The following TAF5 variants were observed in gnomAD, a reference collection of about 807,000 sequenced individuals.
TAF5 encodes transcription initiation factor TFIID subunit 5.
Under a neutral mutation model 80.9 loss-of-function variants are expected in TAF5, and 20 were observed. The ratio of observed to expected loss-of-function variants is 0.25; its 90% confidence interval spans 0.17 to 0.36. TAF5 has a LOEUF of 0.36. Ranked by LOEUF, TAF5 falls within the 10% of genes least tolerant of loss-of-function variation. The pLI is 1.00. For missense variants in TAF5, 863 were observed against 1,029.4 expected (o/e 0.84, Z 2.21); for synonymous variants, 388 against 406.4 (o/e 0.95, Z 0.55).
intron 2 of TAF5, among the ~76,000 whole-genome samples, chr10:103,375,143 A>G (rs2093367707): frequency 1.3e-5 from 2 of 151,588 alleles, no homozygotes. Flanking sequence ...AAAAAAAAGA[A>G]AATGTGTGGA....
At position 103,380,118 on chromosome 10, in the gene TAF5, GTTAT is replaced by G. The variant is rs1284801781; in HGVS notation, c.1413+103_1413+106del. On this transcript the variant is annotated intron_variant, in intron 5 of 10. Transcript: ENST00000369839. ...AATGTATTAGCTAAAATGGAGTTTCGTTATTTAAACTCCTTTTTTTTTTTTTTCT... is the reference window on the plus strand; with the variant it reads ...AATGTATTAGCTAAAATGGAGTTTCGTTAAACTCCTTTTTTTTTTTTTTCT... The G allele has an allele frequency of 9.0e-6, 12 of 1,333,670 alleles. No homozygotes were observed. The East Asian group carries it at 2.8e-4, about 31-fold the overall frequency. The allele number at this position is 1,333,670 out of a possible 1,614,324, so 82.6% of individuals were successfully genotyped here.
chr10:103,387,806 T>C, intron 10 of TAF5, 108 bp downstream of exon 10: 1 of 1,235,766 alleles, frequency 8.1e-7, no homozygotes, highest in East Asian at 2.3e-5. Context: ...CCTTTAGCTA[T>C]GATTCCAGAG....
intron 2 of TAF5, among the ~76,000 whole-genome samples, chr10:103,375,764 A>C (rs1377778954): frequency 6.6e-6 from 1 of 152,048 alleles, no homozygotes; most frequent in Admixed American, 6.6e-5. Context: ...AGGAGTATTT[A>C]AGAAGGAGGC....
chr10:103,368,688 C>G (rs986379029), intron 1 of TAF5, 140 bp downstream of exon 1: 1 of 1,178,224 alleles, frequency 8.5e-7, no homozygotes, highest in African/African-American at 1.6e-5. Context: ...CCGCCCCTTT[C>G]TCTAGTGCGC....
intron 8 of TAF5, among the ~76,000 whole-genome samples, chr10:103,386,732 C>T (rs1366109380): frequency 1.3e-5 from 2 of 149,380 alleles, no homozygotes; most frequent in Admixed American, 6.7e-5. Context: ...GTCGCCATCT[C>T]GGCTCACTGC....
intron 5 of TAF5, among the ~76,000 whole-genome samples, chr10:103,380,972 T>C (rs534988779): frequency 3.0e-4 from 46 of 152,040 alleles, no homozygotes; most frequent in Non-Finnish European, 5.0e-4. Context: ...TTTTTTGAGA[T>C]GGAGTCTTGC....
Position 103,378,556 on chromosome 10 carries a change from G to A in TAF5, c.1113+6G>A. On this transcript the variant is annotated splice_donor_region_variant and intron_variant, in intron 3 of 10. Transcript: ENST00000369839. This position sits in a 1 kb window ranked among gnomAD's most constrained non-coding sequence, Gnocchi z 4.1. ...GAGAGGCAAACAAATCAAAGGTATGGGAATGAACCTAAGAACTCTATAATG... is the reference window on the plus strand; with the variant it reads ...GAGAGGCAAACAAATCAAAGGTATGAGAATGAACCTAAGAACTCTATAATG... 6.2e-7 allele frequency: 1 copy of A among 1,608,732 alleles called. No homozygotes were observed. Among genetic ancestry groups the A allele is most frequent in the Non-Finnish European group, 8.5e-7 (1 of 1,177,088 alleles).
rs114868680 is a variant in TAF5, at chr10:103,378,960, G to C, written c.1113+410G>C. On this transcript the variant is annotated intron_variant, in intron 3 of 10. Transcript: ENST00000369839. This position sits in a 1 kb window ranked among gnomAD's most constrained non-coding sequence, Gnocchi z 4.1. ...CAGGCGTGAGCTACTGCGCCTGGCCGCTTGGAAACAATTTTATACTGTATA... is the reference window on the plus strand; with the variant it reads ...CAGGCGTGAGCTACTGCGCCTGGCCCCTTGGAAACAATTTTATACTGTATA... Among the ~76,000 whole-genome samples the C allele has an allele frequency of 6.6e-6, 1 of 152,130 alleles. No individual in the cohort carries two copies. The highest frequency in any genetic ancestry group is 2.1e-4 in the South Asian group (1 of 4,826).
Position 103,379,959 on chromosome 10 carries a change from G to A in TAF5, c.1353G>A (p.Val451=), listed in dbSNP as rs113723492. Residue 451 remains valine (V), a synonymous_variant, in exon 5 of 11, where the codon GTG becomes GTA. Transcript: ENST00000369839. ...IMNMKETTKR[V]RLGPDCLPSI... is the part of the protein sequence containing the mutation. ...ATATGAAAGAAACCACCAAACGAGT[G>A]CGCCTTGGGCCGGACTGCTTACCCT... 75 of 1,614,082 alleles carry A rather than the reference G, an allele frequency of 4.6e-5. No homozygotes were observed. In the African/African-American group the frequency reaches 8.8e-4, roughly 19 times the overall value.
chr10:103,373,674 A>T, intron 2 of TAF5, 79 bp downstream of exon 2: 1 of 1,102,082 alleles, frequency 9.1e-7, no homozygotes, highest in Middle Eastern at 2.4e-4. Context: ...CACATCTGTA[A>T]CCACAAAAAT....
chr10:103,383,667 C>T (rs1292664558), intron 7 of TAF5, among the ~76,000 whole-genome samples: 2 of 151,518 alleles, frequency 1.3e-5, no homozygotes, highest in East Asian at 3.9e-4. Flanking sequence ...CAACCTCCGC[C>T]TCCTGGGTTC....
At chr10:103,387,881 TAG>T (rs2093401135) in intron 10 of TAF5, 123 bp from the exon 11 acceptor site, 7 of 1,110,220 alleles carry the variant, frequency 6.3e-6, no homozygotes, top group African/African-American at 1.6e-5. Flanking sequence ...TAGGAAGGAA[TAG>T]AGTTATTGGT....
intron 10 of TAF5, 39 bp from the exon 11 acceptor site, chr10:103,387,967 G>C (rs1394343104): frequency 1.3e-6 from 2 of 1,562,768 alleles, no homozygotes; most frequent in Admixed American, 1.7e-5. Flanking sequence ...ATGTAAATAT[G>C]ATGGATGCAA....
intron 7 of TAF5, 101 bp downstream of exon 7, chr10:103,383,468 T>C: frequency 8.5e-7 from 1 of 1,179,506 alleles, no homozygotes; most frequent in Non-Finnish European, 1.1e-6. Context: ...AAAATTCTGA[T>C]AAAAATCTCA....
chr10:103,381,910 T>G (rs2093383911), intron 6 of TAF5, 69 bp downstream of exon 6: 14 of 1,580,320 alleles, frequency 8.9e-6, no homozygotes, highest in Non-Finnish European at 1.1e-5. Context: ...CCATGGAAAA[T>G]ACACAGGAGA....
Position 103,388,451 on chromosome 10 carries a change from AT to A in TAF5, c.*231del, listed in dbSNP as rs1231092112. On this transcript the variant is annotated 3_prime_UTR_variant, in exon 11 of 11. Transcript: ENST00000369839. ...GAGGTATTATGATCATGGAGGGGACATTTATGGTGCTTTGGATTGTGTGGAA... is the reference window on the plus strand; with the variant it reads ...GAGGTATTATGATCATGGAGGGGACATTATGGTGCTTTGGATTGTGTGGAA... 1 of 420,992 alleles carries A rather than the reference AT, an allele frequency of 2.4e-6. No individual in the cohort carries two copies. Among genetic ancestry groups the A allele is most frequent in the Non-Finnish European group, 4.3e-6 (1 of 234,530 alleles). The allele number at this position is 420,992 out of a possible 1,614,324, so 26.1% of individuals were successfully genotyped here.
At chr10:103,380,130 C>CT in intron 5 of TAF5, 111 bp downstream of exon 5, 2 of 1,266,726 alleles carry the variant, frequency 1.6e-6, no homozygotes, top group South Asian at 1.7e-5. Flanking sequence ...TATTTAAACT[C>CT]CTTTTTTTTT....
chr10:103,381,217 G>C (rs1487369105), intron 5 of TAF5, among the ~76,000 whole-genome samples: 1 of 151,986 alleles, frequency 6.6e-6, no homozygotes, highest in Non-Finnish European at 1.5e-5. Context: ...CTAAAGTGCT[G>C]TGATAACAGG....
At position 103,375,980 on chromosome 10, in the gene TAF5, T is replaced by A. The variant is rs962672245; in HGVS notation, c.798-2255T>A. ...GGCCGAGGCAGGAGAATCACTTGAA[T>A]CTGGGAGGCAGAGGTTGCAGTGAGC... On this transcript the variant is annotated intron_variant, in intron 2 of 10. Transcript: ENST00000369839. 2.6e-5 allele frequency among the ~76,000 whole-genome samples: 4 copies of A among 151,004 alleles called. No individual in the cohort carries two copies. The South Asian group carries it at 8.4e-4, about 32-fold the overall frequency.
Sources: gnomAD v4.1 joint callset for allele counts (sites outside exome capture counted in the v4.1 genomes callset) on GRCh38, gnomAD v4.1.1 for gene constraint, Gnocchi (gnomAD v3.1) non-coding constraint, MANE v1.5 for transcripts, NCBI Gene and HGNC (gene_info 2026-07-23, HGNC 2026-07-21) for gene names.